Variants in LINGO1 observed in about 807,000 individuals in gnomAD.
LINGO1 encodes leucine-rich repeat and immunoglobulin-like domain-containing nogo receptor-interacting protein 1.
LINGO1 carries 11 observed loss-of-function variants against 37.3 expected under a neutral mutation model. That is an observed-to-expected ratio of 0.29 (90% CI 0.19 to 0.49). The LOEUF is 0.49. Among genes scored for constraint, LINGO1 ranks in the 20% least tolerant of loss-of-function variants. The pLI is 0.99. For synonymous variants in LINGO1, 387 were observed against 403.0 expected (o/e 0.96, Z 0.48); for missense variants, 585 against 878.2 (o/e 0.67, Z 4.22).
At chr15:77,747,932 G>A (rs1054387364) in intron 1 of LINGO1, among the ~76,000 whole-genome samples, 8 of 152,360 alleles carry the variant, frequency 5.3e-5, no homozygotes, top group African/African-American at 1.2e-4. Flanking sequence ...TGTGTGCTGC[G>A]TGCCAGACAG....
chr15:77,763,890 C>T (rs1206446107), intron 1 of LINGO1, among the ~76,000 whole-genome samples: 2 of 152,086 alleles, frequency 1.3e-5, no homozygotes, highest in Admixed American at 6.5e-5. Context: ...AAAAGGTGGC[C>T]GCTCATCCCC....
intron 3 of LINGO1, among the ~76,000 whole-genome samples, chr15:77,668,741 C>G (rs1450856234): frequency 2.6e-5 from 4 of 151,538 alleles, no homozygotes; most frequent in African/African-American, 4.9e-5. Flanking sequence ...CGGTATTCAA[C>G]ACACATATAC....
intron 2 of LINGO1, among the ~76,000 whole-genome samples, chr15:77,721,028 C>G (rs2076044500): frequency 6.6e-6 from 1 of 152,048 alleles, no homozygotes; most frequent in Non-Finnish European, 1.5e-5. Flanking sequence ...TGACCAATAC[C>G]ATGGTCTGAG....
At chr15:77,747,778 C>T (rs1014980928) in intron 1 of LINGO1, among the ~76,000 whole-genome samples, 15 of 152,218 alleles carry the variant, frequency 9.9e-5, no homozygotes, top group African/African-American at 3.6e-4. Context: ...AGGGAAACAT[C>T]GTTCCGCTGG....
intron 2 of LINGO1, among the ~76,000 whole-genome samples, chr15:77,720,363 C>T (rs1244210437): frequency 1.3e-5 from 2 of 152,246 alleles, no homozygotes; most frequent in East Asian, 3.9e-4. Context: ...GCCAGGTCCA[C>T]GCACCTGCCC....
intron 2 of LINGO1, among the ~76,000 whole-genome samples, chr15:77,793,507 C>T (rs1018238353): frequency 2.9e-4 from 44 of 152,338 alleles, no homozygotes; most frequent in African/African-American, 1.0e-3. Flanking sequence ...CTCCAAACTC[C>T]CCTACCACTG....
At chr15:77,717,722 C>T (rs914506908) in intron 2 of LINGO1, among the ~76,000 whole-genome samples, 4 of 150,678 alleles carry the variant, frequency 2.7e-5, no homozygotes, top group South Asian at 4.3e-4. Flanking sequence ...AGCCCAGGCC[C>T]GGGCTGTTCT....
intron 2 of LINGO1, among the ~76,000 whole-genome samples, chr15:77,718,753 GGGCTCTGT>G (rs2076014844): frequency 6.6e-6 from 1 of 150,670 alleles, no homozygotes; most frequent in African/African-American, 2.4e-5. Flanking sequence ...CAGGATGCCT[GGGCTCTGT>G]GCCTGCCCCA....
chr15:77,680,816 C>T (rs549408749), intron 2 of LINGO1, among the ~76,000 whole-genome samples: 2 of 152,314 alleles, frequency 1.3e-5, no homozygotes, highest in East Asian at 1.9e-4. Flanking sequence ...GGAAAACTCC[C>T]GCAGGGCCTT....
At chr15:77,713,955 C>T (rs1596145738) in intron 2 of LINGO1, among the ~76,000 whole-genome samples, 2 of 152,184 alleles carry the variant, frequency 1.3e-5, no homozygotes, top group African/African-American at 4.8e-5. Context: ...CCACCCACGT[C>T]GCTTCCTGGT....
rs564241374 is a variant in LINGO1, at chr15:77,665,037, G to T, written c.-13+12052C>A. Among the ~76,000 whole-genome samples the T allele has an allele frequency of 2.0e-4, 31 of 152,264 alleles. No homozygotes were observed. The South Asian group carries it at 6.3e-3, about 31-fold the overall frequency. ...TCATACAGAGGTGGGCGCACATCTT[G>T]GTATACAGGTCCCTGCCTGTGCACA... is the stretch of plus-strand genomic sequence containing the variant. On this transcript the variant is annotated intron_variant, in intron 3 of 3. Coordinates refer to the LINGO1 transcript ENST00000559893.
chr15:77,787,635 G>A (rs1302580363), upstream of LINGO1, among the ~76,000 whole-genome samples: 1 of 151,986 alleles, frequency 6.6e-6, no homozygotes, highest in African/African-American at 2.4e-5. Context: ...GCCAACCGCT[G>A]AGCGGAAAAG....
Position 77,614,281 on chromosome 15 carries a change from G to A in LINGO1, c.1626C>T (p.Asn542=), listed in dbSNP as rs775136040. Residue 542 remains asparagine (N), a synonymous_variant, in exon 2 of 2, where the codon AAC becomes AAT. Coordinates refer to ENST00000355300, the MANE Select transcript of LINGO1 (RefSeq NM_032808.7). ...GGAAAGGCACAGTGGCGCGGGTGCTGTTGGCCTCTCCCTCGCCCGGCTGGT... is the reference window on the plus strand; with the variant it reads ...GGAAAGGCACAGTGGCGCGGGTGCTATTGGCCTCTCCCTCGCCCGGCTGGT... The part of the protein sequence containing the change: ...ISNQPGEGEA[N]STRATVPFPF... 2 of 1,614,044 alleles carry A rather than the reference G, an allele frequency of 1.2e-6. No individual in the cohort carries two copies. The highest frequency in any genetic ancestry group is 3.3e-5 in the Admixed American group (2 of 60,028).
At chr15:77,764,059 G>A (rs1323412212) in intron 1 of LINGO1, among the ~76,000 whole-genome samples, 2 of 152,252 alleles carry the variant, frequency 1.3e-5, no homozygotes, top group South Asian at 2.1e-4. Context: ...TTTTAGGAGG[G>A]TGTCAAGGAT....
chr15:77,617,511 C>T (rs141737462), intron 1 of LINGO1, among the ~76,000 whole-genome samples: 405 of 152,284 alleles, frequency 2.7e-3, no homozygotes, highest in African/African-American at 8.9e-3. Context: ...ACTCATGGCC[C>T]GGAAGGGGCT....
chr15:77,656,536 C>T (rs1344209984), intron 3 of LINGO1, among the ~76,000 whole-genome samples: 2 of 152,214 alleles, frequency 1.3e-5, no homozygotes, highest in Non-Finnish European at 2.9e-5. Context: ...TCGTGTGGCA[C>T]CGGCTCAGAG....
intron 2 of LINGO1, among the ~76,000 whole-genome samples, chr15:77,725,094 T>C (rs2141320594): frequency 6.6e-6 from 1 of 152,270 alleles, no homozygotes; most frequent in East Asian, 1.9e-4. Context: ...CTTCTGGGTG[T>C]CCAAGCTGGT....
chr15:77,778,929 C>T (rs145220238), intron 1 of LINGO1, among the ~76,000 whole-genome samples: 1 of 152,198 alleles, frequency 6.6e-6, no homozygotes, highest in African/African-American at 2.4e-5. Context: ...GACCCATCTG[C>T]TCCTTGACAA....
At chr15:77,807,591 G>A (rs2076970652) in intron 1 of LINGO1, among the ~76,000 whole-genome samples, 1 of 152,030 alleles carries the variant, frequency 6.6e-6, no homozygotes, top group African/African-American at 2.4e-5. Flanking sequence ...CCCTGCACAC[G>A]TCTCTTCTAC....
Sources: allele counts gnomAD v4.1 joint callset (sites outside exome capture counted in the v4.1 genomes callset), GRCh38; gene constraint gnomAD v4.1.1; transcripts MANE v1.5; gene names NCBI Gene and HGNC (gene_info 2026-07-23, HGNC 2026-07-21).